CDKAL1: variants seen among roughly 807,000 people sequenced by gnomAD.
The protein encoded by CDKAL1 is threonylcarbamoyladenosine tRNA methylthiotransferase.
In CDKAL1, 32 loss-of-function variants were observed where a neutral mutation model predicts 68.2. The observed-to-expected ratio is 0.47, with a 90% CI of 0.35 to 0.63. The LOEUF is 0.63. Among genes scored for constraint, CDKAL1 ranks in the 30% least tolerant of loss-of-function variants. The pLI is 0.00. For synonymous variants in CDKAL1, 234 were observed against 244.3 expected, an observed-to-expected ratio of 0.96 and a Z score of 0.39; for missense variants, 606 against 696.7, an observed-to-expected ratio of 0.87 and a Z score of 1.47.
At chr6:20,980,701 A>G (rs1033914640) in intron 10 of CDKAL1, among the ~76,000 whole-genome samples, 7 of 152,240 alleles carry the variant, frequency 4.6e-5, no homozygotes, top group Non-Finnish European at 8.8e-5. Flanking sequence ...AAAAAAGGCA[A>G]CTTCACGTGT....
At chr6:20,593,526 T>A (rs1765682737) in intron 4 of CDKAL1, among the ~76,000 whole-genome samples, 1 of 152,064 alleles carries the variant, frequency 6.6e-6, no homozygotes, top group Non-Finnish European at 1.5e-5. Flanking sequence ...CTCCCCTTTA[T>A]CATTTTTTAT....
At chr6:21,039,399 T>A (rs1376481967) in intron 11 of CDKAL1, among the ~76,000 whole-genome samples, 1 of 152,204 alleles carries the variant, frequency 6.6e-6, no homozygotes, top group Admixed American at 6.5e-5. Flanking sequence ...TAACACATGA[T>A]GACATTGATA....
In CDKAL1 at chr6:21,091,857, C is replaced by CTTTTTTTTTT. The variant is rs70990099; in HGVS notation, c.1237-16506_1237-16497dup. On this transcript the variant is annotated intron_variant, in intron 12 of 15. Coordinates refer to ENST00000274695, the MANE Select transcript of CDKAL1 (RefSeq NM_017774.3). ...AATGCAGCAACAGGCTCAGAACTTT[C>CTTTTTTTTTT]TTTTTTTTTTTTTTTTTTTTTTTTT... Among the ~76,000 whole-genome samples the CTTTTTTTTTT allele has an allele frequency of 5.1e-4, 36 of 70,580 alleles. 6 individuals carry two copies. The highest frequency in any genetic ancestry group is 7.8e-4 in the Non-Finnish European group (30 of 38,610). The allele number at this position is 70,580 out of a possible 152,430, so 46.3% of individuals were successfully genotyped here.
intron 11 of CDKAL1, among the ~76,000 whole-genome samples, chr6:21,021,936 G>A (rs1437681266): frequency 6.6e-6 from 1 of 152,200 alleles, no homozygotes; most frequent in Non-Finnish European, 1.5e-5. Context: ...GGTTGATAAT[G>A]CGTGGGAACT....
intron 12 of CDKAL1, among the ~76,000 whole-genome samples, chr6:21,081,390 T>C (rs928210250): frequency 4.1e-4 from 63 of 152,166 alleles, no homozygotes; most frequent in African/African-American, 1.5e-3. Flanking sequence ...CCTTGTTTTA[T>C]ACAAGTTTCA....
intron 11 of CDKAL1, among the ~76,000 whole-genome samples, chr6:21,038,258 T>C (rs1218593832): frequency 6.6e-6 from 1 of 152,172 alleles, no homozygotes; most frequent in Non-Finnish European, 1.5e-5. Context: ...AGAGGAGCAG[T>C]AAGAAAAATA....
chr6:21,184,489 C>A (rs1218800537), intron 13 of CDKAL1, among the ~76,000 whole-genome samples: 1 of 152,116 alleles, frequency 6.6e-6, no homozygotes, highest in Non-Finnish European at 1.5e-5. Context: ...AGCCACCACG[C>A]AGAAACCAGC....
chr6:21,079,871 T>A (rs1230312029), intron 12 of CDKAL1, among the ~76,000 whole-genome samples: 2 of 152,124 alleles, frequency 1.3e-5, no homozygotes, highest in Non-Finnish European at 2.9e-5. Flanking sequence ...CCCAAGCTGT[T>A]TCTACTTGCC....
intron 8 of CDKAL1, among the ~76,000 whole-genome samples, chr6:20,788,459 A>G (rs1190017511): frequency 6.6e-6 from 1 of 152,182 alleles, no homozygotes; most frequent in Non-Finnish European, 1.5e-5. Flanking sequence ...AATCTTTGTC[A>G]TGAGCCGAGA....
chr6:20,656,417 A>G (rs910082045), intron 5 of CDKAL1, among the ~76,000 whole-genome samples: 3 of 152,120 alleles, frequency 2.0e-5, no homozygotes, highest in African/African-American at 7.2e-5. Context: ...TAGGAGCAGA[A>G]GAAGGACGAA....
chr6:20,815,512 A>T (rs1387017832), intron 8 of CDKAL1, among the ~76,000 whole-genome samples: 1 of 151,474 alleles, frequency 6.6e-6, no homozygotes, highest in Non-Finnish European at 1.5e-5. Context: ...CTTTTTTTTT[A>T]AATAAACTTT....
At chr6:20,965,736 G>A (rs1035531736) in intron 10 of CDKAL1, among the ~76,000 whole-genome samples, 12 of 152,128 alleles carry the variant, frequency 7.9e-5, no homozygotes, top group South Asian at 2.1e-4. Context: ...AATTTCACCC[G>A]GAGTAGCTGA....
chr6:20,550,317 T>G (rs1763769531), intron 4 of CDKAL1, among the ~76,000 whole-genome samples: 1 of 152,200 alleles, frequency 6.6e-6, no homozygotes, highest in African/African-American at 2.4e-5. Flanking sequence ...CATGGATATT[T>G]ATTTTATCCT....
intron 6 of CDKAL1, among the ~76,000 whole-genome samples, chr6:20,749,082 C>T (rs1255819965): frequency 6.6e-6 from 1 of 151,910 alleles, no homozygotes; most frequent in African/African-American, 2.4e-5. Flanking sequence ...GATAGTAAAA[C>T]CCCAGCCAGA....
chr6:20,931,032 C>T (rs1181721877), intron 9 of CDKAL1, among the ~76,000 whole-genome samples: 6 of 152,120 alleles, frequency 3.9e-5, no homozygotes, highest in South Asian at 2.1e-4. Flanking sequence ...CGTGAGCCAC[C>T]GCGCCCGGCT....
At position 20,963,754 on chromosome 6, in the gene CDKAL1, A is replaced by G. The variant is rs992658164; in HGVS notation, c.909+8169A>G. The stretch of plus-strand genomic sequence containing the variant: ...TAGATCATACTTAAAAATTCTCTTT[A>G]TATGGCCATCAATAATTTATACAGA... On this transcript the variant is annotated intron_variant, in intron 10 of 15. Coordinates refer to ENST00000274695, the MANE Select transcript of CDKAL1 (RefSeq NM_017774.3). Among the ~76,000 whole-genome samples, 49 of 152,272 alleles carry G rather than the reference A, an allele frequency of 3.2e-4. 1 individual carries two copies. Among genetic ancestry groups the G allele is most frequent in the African/African-American group, 1.1e-3 (47 of 41,552 alleles).
chr6:20,907,996 A>AGAAGTG (rs1184542094), intron 9 of CDKAL1, among the ~76,000 whole-genome samples: 8 of 152,236 alleles, frequency 5.3e-5, no homozygotes, highest in Admixed American at 1.3e-4. Context: ...CCCCATAATG[A>AGAAGTG]CCTTCATTCA....
intron 6 of CDKAL1, among the ~76,000 whole-genome samples, chr6:20,746,128 G>A (rs1773655530): frequency 6.6e-6 from 1 of 152,130 alleles, no homozygotes; most frequent in African/African-American, 2.4e-5. Flanking sequence ...GCATTTAAGA[G>A]GAAGAGAGGT....
intron 4 of CDKAL1, among the ~76,000 whole-genome samples, chr6:20,612,908 C>A (rs1766681629): frequency 1.3e-5 from 2 of 149,842 alleles, no homozygotes; most frequent in African/African-American, 4.9e-5. Flanking sequence ...GAACCAAAAC[C>A]CATACAGTAA....
Sources: gnomAD v4.1 joint callset for allele counts (sites outside exome capture counted in the v4.1 genomes callset) on GRCh38, gnomAD v4.1.1 for gene constraint, MANE v1.5 for transcripts, NCBI Gene and HGNC (gene_info 2026-07-23, HGNC 2026-07-21) for gene names.